Variants in SLC9A8 observed in about 807,000 individuals in gnomAD.
SLC9A8 encodes sodium/hydrogen exchanger 8.
Under a neutral mutation model 66.6 loss-of-function variants are expected in SLC9A8, and 48 were observed. That is an observed-to-expected ratio of 0.72 (90% CI 0.57 to 0.92). The LOEUF (loss-of-function observed/expected upper bound fraction) is 0.92. Among genes scored for constraint, SLC9A8 ranks in the 40% least tolerant of loss-of-function variants. SLC9A8 has a pLI of 0.00. For missense variants in SLC9A8, 599 were observed against 747.3 expected (o/e 0.80, Z 2.31); for synonymous variants, 274 against 282.6 (o/e 0.97, Z 0.31).
intron 4 of SLC9A8, among the ~76,000 whole-genome samples, chr20:49,840,211 G>A (rs966900661): frequency 4.6e-5 from 7 of 152,104 alleles, no homozygotes; most frequent in African/African-American, 1.2e-4. Flanking sequence ...ATACCACCCC[G>A]TCCTCAGTTT....
chr20:49,816,710 T>G (rs1444254893), intron 2 of SLC9A8, among the ~76,000 whole-genome samples: 1 of 152,084 alleles, frequency 6.6e-6, no homozygotes, highest in Non-Finnish European at 1.5e-5. Context: ...TAAATAGCTT[T>G]GAGTTTGACC....
intron 8 of SLC9A8, among the ~76,000 whole-genome samples, chr20:49,856,650 T>C (rs2088497060): frequency 6.6e-6 from 1 of 151,880 alleles, no homozygotes; most frequent in Non-Finnish European, 1.5e-5. Flanking sequence ...GGTGAAACCC[T>C]GTCTCTACTG....
chr20:49,814,946 T>A, intron 1 of SLC9A8, 62 bp from the exon 2 acceptor site: 1 of 1,297,938 alleles, frequency 7.7e-7, no homozygotes, highest in South Asian at 1.6e-5. Flanking sequence ...TGGTGTGAGG[T>A]GTGTGAATTG....
At chr20:49,827,059 A>G (rs908200086) in intron 3 of SLC9A8, among the ~76,000 whole-genome samples, 1 of 151,528 alleles carries the variant, frequency 6.6e-6, no homozygotes, top group Non-Finnish European at 1.5e-5. Flanking sequence ...CTCCTGCCTC[A>G]GCCTCCTGAG....
At chr20:49,882,622 G>A (rs770394519) in intron 13 of SLC9A8, among the ~76,000 whole-genome samples, 2 of 152,176 alleles carry the variant, frequency 1.3e-5, no homozygotes, top group South Asian at 2.1e-4. Flanking sequence ...TCTGGGATCC[G>A]TACTCCTGTT....
chr20:49,844,952 T>C lies in SLC9A8; in HGVS notation c.349-84T>C, dbSNP rs73271112. 1.9e-3 allele frequency: 1,743 copies of C among 930,838 alleles called. 23 individuals are homozygous for C. The African/African-American group carries it at 0.025, about 13-fold the overall frequency. The allele number at this position is 930,838 out of a possible 1,614,324, so 57.7% of individuals were successfully genotyped here. ...TCCACTAGGCCAGGCCCTGAGAGAA[T>C]AATTATTTTGGCTCTTTATTGATTA... On this transcript the variant is annotated intron_variant, in intron 4 of 15. Transcript: ENST00000361573.
chr20:49,877,641 G>A (rs648095), intron 11 of SLC9A8, among the ~76,000 whole-genome samples: 47,863 of 152,056 alleles, frequency 0.31, 9,251 homozygotes, highest in South Asian at 0.57. Flanking sequence ...CCACTTTGCC[G>A]CAGTTGGGGC....
At chr20:49,814,956 G>T in intron 1 of SLC9A8, 52 bp from the exon 2 acceptor site, 1 of 1,381,932 alleles carries the variant, frequency 7.2e-7, no homozygotes, top group South Asian at 1.5e-5. Context: ...TGTGTGAATT[G>T]ATGTTTTGGG....
chr20:49,873,771 C>CAAAA (rs35613935), intron 10 of SLC9A8, among the ~76,000 whole-genome samples: 42 of 60,228 alleles, frequency 7.0e-4, no homozygotes, highest in East Asian at 1.8e-3. Context: ...AACTCCGTCT[C>CAAAA]AAAAAAAAAA....
intron 3 of SLC9A8, among the ~76,000 whole-genome samples, chr20:49,826,996 T>C (rs1371829957): frequency 6.6e-6 from 1 of 151,568 alleles, no homozygotes; most frequent in African/African-American, 2.4e-5. Context: ...CAGGCTGGAG[T>C]GCAATCACGA....
intron 11 of SLC9A8, 84 bp downstream of exon 11, chr20:49,874,905 A>T (rs1484431280): frequency 7.4e-6 from 7 of 941,992 alleles, no homozygotes; most frequent in Admixed American, 1.7e-5. Flanking sequence ...GTCAGTTGAG[A>T]CTTTCCCTGG....
At chr20:49,826,375 TAGA>T (rs974959887) in intron 3 of SLC9A8, among the ~76,000 whole-genome samples, 2 of 152,230 alleles carry the variant, frequency 1.3e-5, no homozygotes, top group South Asian at 2.1e-4. Flanking sequence ...AAAAAGAATC[TAGA>T]AGAAGTTGCC....
chr20:49,872,126 AAAC>A (rs1012575166), intron 10 of SLC9A8, among the ~76,000 whole-genome samples: 3 of 152,202 alleles, frequency 2.0e-5, no homozygotes, highest in African/African-American at 7.2e-5. Flanking sequence ...TCTCAAAGGA[AAAC>A]AACAACAAAA....
At chr20:49,852,467 T>G (rs897879615) in intron 7 of SLC9A8, among the ~76,000 whole-genome samples, 2 of 152,188 alleles carry the variant, frequency 1.3e-5, no homozygotes, top group Admixed American at 6.5e-5. Context: ...AAAAATAACT[T>G]CGTTGCACAC....
Position 49,815,119 on chromosome 20 carries a change from G to T in SLC9A8, c.138G>T (p.Gln46His). The change falls in exon 2 of 16, where the codon CAG (glutamine) becomes CAT (histidine). Residue 46 changes from glutamine (Q) to histidine (H), a missense_variant. Coordinates refer to ENST00000361573, the MANE Select transcript of SLC9A8 (RefSeq NM_015266.3). The part of the protein sequence containing the change: ...PTPGKPILPV[Q>H]TGEQAQQEEQ... Reference sequence around the variant, plus strand: ...CTGGCAAGCCCATCCTCCCCGTGCAGACAGGGGAGCAGGCCCAGCAAGAGG... The same window carrying T: ...CTGGCAAGCCCATCCTCCCCGTGCATACAGGGGAGCAGGCCCAGCAAGAGG... The T allele has an allele frequency of 6.2e-7, 1 of 1,609,012 alleles. No homozygotes were observed. The highest frequency in any genetic ancestry group is 8.5e-7 in the Non-Finnish European group (1 of 1,177,820).
intron 8 of SLC9A8, among the ~76,000 whole-genome samples, chr20:49,860,837 G>C (rs1299948733): frequency 6.6e-6 from 1 of 152,206 alleles, no homozygotes; most frequent in Non-Finnish European, 1.5e-5. Flanking sequence ...GGTATTGACT[G>C]TCTTTTGTGT....
chr20:49,839,419 G>C, intron 3 of SLC9A8, 122 bp from the exon 4 acceptor site: 1 of 547,474 alleles, frequency 1.8e-6, no homozygotes, highest in Non-Finnish European at 3.3e-6. Context: ...ACAAAACGAA[G>C]CTGTGCCCCA....
intron 2 of SLC9A8, 192 bp downstream of exon 2, chr20:49,815,381 C>T (rs1441021885): frequency 2.4e-6 from 1 of 425,100 alleles, no homozygotes; most frequent in African/African-American, 2.0e-5. Flanking sequence ...AATCATGGTG[C>T]TTAGCAAGTT....
intron 10 of SLC9A8, among the ~76,000 whole-genome samples, chr20:49,873,482 C>CAA (rs3092533): frequency 8.2e-4 from 85 of 103,070 alleles, no homozygotes; most frequent in African/African-American, 1.3e-3. Context: ...ACCCTGTCTC[C>CAA]AAAAAAAAAA....
Sources: allele counts gnomAD v4.1 joint callset (sites outside exome capture counted in the v4.1 genomes callset), GRCh38; gene constraint gnomAD v4.1.1; transcripts MANE v1.5; gene names NCBI Gene and HGNC (gene_info 2026-07-23, HGNC 2026-07-21).